PLA2R1: variants seen among roughly 807,000 people sequenced by gnomAD.
PLA2R1 encodes the protein phospholipase A2 receptor 1.
A neutral mutation model predicts 195.9 loss-of-function variants in PLA2R1; 158 were observed. The ratio of observed to expected loss-of-function variants is 0.81; its 90% CI spans 0.71 to 0.92. The LOEUF (loss-of-function observed/expected upper bound fraction) is 0.92, where lower values mean the gene tolerates loss of function less well. Ranked by LOEUF, PLA2R1 falls within the 40% of genes least tolerant of loss-of-function variation. PLA2R1 has a pLI of 0.00. For synonymous variants in PLA2R1, 586 were observed against 598.2 expected (o/e 0.98, Z 0.30); for missense variants, 1,626 against 1,764.6 (o/e 0.92, Z 1.41).
chr2:160,025,815 T>C (rs1263172636), intron 6 of PLA2R1, among the ~76,000 whole-genome samples: 1 of 152,084 alleles, frequency 6.6e-6, no homozygotes, highest in Admixed American at 6.6e-5. Flanking sequence ...ATGGATTAAA[T>C]TATCTAATCA....
At chr2:159,974,093 T>A (rs1373659744) in intron 17 of PLA2R1, among the ~76,000 whole-genome samples, 1 of 152,034 alleles carries the variant, frequency 6.6e-6, no homozygotes, top group East Asian at 1.9e-4. Context: ...AGAGCTAAGC[T>A]CTGTTGGAAA....
intron 27 of PLA2R1, 92 bp from the exon 28 acceptor site, chr2:159,945,174 T>A: frequency 1.8e-6 from 1 of 567,984 alleles, no homozygotes; most frequent in Non-Finnish European, 2.7e-6. Flanking sequence ...GCCCCTGAAT[T>A]TTTTTATTTT....
intron 11 of PLA2R1, among the ~76,000 whole-genome samples, chr2:159,988,267 T>C (rs1462677437): frequency 1.3e-5 from 2 of 151,856 alleles, no homozygotes; most frequent in African/African-American, 2.4e-5. Flanking sequence ...TCTTGAATCC[T>C]GGGTGATCAT....
At chr2:160,052,124 T>A (rs1393714750) in intron 1 of PLA2R1, among the ~76,000 whole-genome samples, 2 of 152,236 alleles carry the variant, frequency 1.3e-5, no homozygotes, top group Non-Finnish European at 2.9e-5. Flanking sequence ...TAAATCTTTT[T>A]ACATGTTCTC....
At chr2:160,002,419 T>C (rs1338375997) in intron 11 of PLA2R1, among the ~76,000 whole-genome samples, 2 of 152,014 alleles carry the variant, frequency 1.3e-5, no homozygotes, top group Non-Finnish European at 2.9e-5. Context: ...ACTGTATATA[T>C]AGTTCTGTAG....
In PLA2R1 at chr2:160,032,999, C is replaced by T. The variant is rs148015374; in HGVS notation, c.801G>A (p.Leu267=). ...CTTCAGTTTCATCTGTAATACTTAA[C>T]AGCGTACCTCCTTGCATCTGGCATG... is the stretch of plus-strand genomic sequence containing the variant. The part of the protein sequence containing the change: ...HSSCQMQGGT[L]LSITDETEEN... The change falls in exon 4 of 30, where the codon CTG becomes CTA. Residue 267 remains leucine (L), a synonymous_variant. Transcript: ENST00000283243. The T allele has an allele frequency of 1.6e-5, 26 of 1,613,318 alleles. No individual in the cohort carries two copies. The African/African-American group carries it at 3.5e-4, about 22-fold the overall frequency.
Position 159,969,312 on chromosome 2 carries a change from C to CA in PLA2R1, c.2707_2708insT (p.Arg903MetfsTer7), listed in dbSNP as rs1168710408. 13 of 1,609,648 alleles carry CA rather than the reference C, an allele frequency of 8.1e-6. No individual in the cohort carries two copies. Among genetic ancestry groups the CA allele is most frequent in the Non-Finnish European group, 1.1e-5 (13 of 1,176,140 alleles). On this transcript the variant is annotated frameshift_variant, in exon 19 of 30. Coordinates refer to ENST00000283243, the MANE Select transcript of PLA2R1 (RefSeq NM_007366.5). LOFTEE classifies it high-confidence loss of function. ...GCTCTGATTATTCACAGTTCTTTCT[C>CA]TTCCTGTGTCCCAGTTCTGGTATAT... is the stretch of plus-strand genomic sequence containing the variant.
At chr2:159,978,374 C>T (rs968842822) in intron 14 of PLA2R1, among the ~76,000 whole-genome samples, 4 of 152,134 alleles carry the variant, frequency 2.6e-5, no homozygotes, top group Admixed American at 2.6e-4. Context: ...CCTTTATATT[C>T]CTCCTCAAAC....
At chr2:159,952,048 C>A (rs1687777506) in intron 23 of PLA2R1, among the ~76,000 whole-genome samples, 1 of 152,216 alleles carries the variant, frequency 6.6e-6, no homozygotes, top group African/African-American at 2.4e-5. Context: ...CTCGATTACA[C>A]TTTTGAGACT....
chr2:159,949,638 G>A lies in PLA2R1; in HGVS notation c.3679C>T (p.Leu1227=), dbSNP rs776604744. ...RWHSTACESF[L]QGAICHVPPE... ...GGCACATGACAAATGGCACCTTGCA[G>A]AAATGACTCGCAGGCTGTGCTATGC... The change falls in exon 25 of 30, where the codon CTG becomes TTG. Residue 1227 remains leucine (L), a synonymous_variant. Coordinates refer to ENST00000283243, the MANE Select transcript of PLA2R1 (RefSeq NM_007366.5). 6.2e-7 allele frequency: 1 copy of A among 1,614,054 alleles called. No individual in the cohort carries two copies. The highest frequency in any genetic ancestry group is 8.5e-7 in the Non-Finnish European group (1 of 1,179,926).
rs1003962589 is a variant in PLA2R1, at chr2:159,940,465, C to G, written c.*1313G>C. ...CAGGAGTGCAGTGGTGCAACCATAG[C>G]TCACTGCAGCCTTCAACTTCTGGGC... On this transcript the variant is annotated 3_prime_UTR_variant, in exon 30 of 30. Transcript: ENST00000283243. The G allele has an allele frequency of 6.6e-6, 1 of 152,258 alleles. No individual in the cohort carries two copies. The highest frequency in any genetic ancestry group is 2.4e-5 in the African/African-American group (1 of 41,448). 9.4% of individuals were successfully genotyped at this position (152,258 alleles called of 1,614,324 possible).
rs1243805149 is a variant in PLA2R1, at chr2:160,045,143, CAA to C, written c.122_123del (p.Phe41CysfsTer5). 6.3e-7 allele frequency: 1 copy of C among 1,597,166 alleles called. No homozygotes were observed. Among genetic ancestry groups the C allele is most frequent in the East Asian group, 2.2e-5 (1 of 44,570 alleles). On this transcript the variant is annotated frameshift_variant, in exon 2 of 30. Transcript: ENST00000283243. LOFTEE classifies it high-confidence loss of function. ...RLLEWQDKGI[F>X]VIQSESLKKC... Reference sequence around the variant, plus strand: ...TTCTTGAGACTCTCACTTTGGATAACAAATATTCCTTTATCTGAAACAAAAAT... The same window carrying C: ...TTCTTGAGACTCTCACTTTGGATAACATATTCCTTTATCTGAAACAAAAAT...
intron 3 of PLA2R1, among the ~76,000 whole-genome samples, chr2:160,038,601 A>G (rs1157422647): frequency 1.3e-5 from 2 of 152,190 alleles, no homozygotes; most frequent in African/African-American, 4.8e-5. Context: ...AAGGTGAGAG[A>G]GCAGGAAGTT....
At chr2:159,982,986 GA>G (rs1352522941) in intron 13 of PLA2R1, among the ~76,000 whole-genome samples, 6 of 152,130 alleles carry the variant, frequency 3.9e-5, no homozygotes, top group African/African-American at 1.2e-4. Flanking sequence ...CCCTTCCACA[GA>G]AGATACTCTC....
intron 11 of PLA2R1, among the ~76,000 whole-genome samples, chr2:159,993,465 C>CACACACACACAT (rs1326650036): frequency 1.3e-5 from 2 of 151,804 alleles, no homozygotes; most frequent in East Asian, 3.9e-4. Flanking sequence ...CACACACACA[C>CACACACACACAT]ACACACACAC....
At chr2:159,954,958 A>G (rs1395466001) in intron 23 of PLA2R1, among the ~76,000 whole-genome samples, 2 of 152,356 alleles carry the variant, frequency 1.3e-5, no homozygotes, top group South Asian at 2.1e-4. Flanking sequence ...TGACTAAGAT[A>G]GATACATAAA....
chr2:160,001,619 A>G (rs1691601659), intron 11 of PLA2R1, among the ~76,000 whole-genome samples: 2 of 152,010 alleles, frequency 1.3e-5, no homozygotes. Flanking sequence ...AATTTAAAAA[A>G]TGTACTAGGC....
At chr2:160,000,987 T>C (rs1397982643) in intron 11 of PLA2R1, among the ~76,000 whole-genome samples, 1 of 152,094 alleles carries the variant, frequency 6.6e-6, no homozygotes, top group Non-Finnish European at 1.5e-5. Flanking sequence ...GAAGAGATAA[T>C]GCTTGAAAAA....
chr2:160,056,230 G>C (rs187192320), intron 1 of PLA2R1, among the ~76,000 whole-genome samples: 10 of 152,134 alleles, frequency 6.6e-5, no homozygotes, highest in Non-Finnish European at 1.2e-4. Flanking sequence ...TGTCATATTA[G>C]GTAAGGGTAT....
Sources: allele counts gnomAD v4.1 joint callset (sites outside exome capture counted in the v4.1 genomes callset), GRCh38; gene constraint gnomAD v4.1.1; transcripts MANE v1.5; gene names NCBI Gene and HGNC (gene_info 2026-07-23, HGNC 2026-07-21).